The following DLG2 variants were observed in gnomAD, a reference collection of about 807,000 sequenced individuals.
DLG2 encodes disks large homolog 2.
DLG2 carries 45 observed loss-of-function variants against 132.5 expected under a neutral mutation model. That is an observed-to-expected ratio of 0.34 (90% CI 0.27 to 0.44). DLG2 has a LOEUF of 0.44. Ranked by LOEUF, DLG2 falls within the 20% of genes least tolerant of loss-of-function variation. The pLI is 1.00. For missense variants in DLG2, 1,045 were observed against 1,196.9 expected (o/e 0.87, Z 1.87); for synonymous variants, 424 against 419.6 (o/e 1.01, Z -0.13).
intron 8 of DLG2, among the ~76,000 whole-genome samples, chr11:84,167,228 A>G (rs1277855959): frequency 6.6e-6 from 1 of 152,222 alleles, no homozygotes; most frequent in East Asian, 1.9e-4. Context: ...TCTGGTGGCC[A>G]GAAAATCAAA....
chr11:85,304,100 G>A (rs2079784818), intron 3 of DLG2, among the ~76,000 whole-genome samples: 1 of 152,190 alleles, frequency 6.6e-6, no homozygotes, highest in Non-Finnish European at 1.5e-5. Context: ...TTGAAGAAAG[G>A]AAGAGGAAGC....
chr11:85,355,633 T>C (rs868789863), intron 3 of DLG2, among the ~76,000 whole-genome samples: 1 of 152,192 alleles, frequency 6.6e-6, no homozygotes, highest in African/African-American at 2.4e-5. Flanking sequence ...GTTTGAGGCA[T>C]GTGCTTTAAA....
chr11:85,475,157 T>C (rs1450952904), intron 3 of DLG2, among the ~76,000 whole-genome samples: 1 of 151,422 alleles, frequency 6.6e-6, no homozygotes, highest in Non-Finnish European at 1.5e-5. Context: ...GTACAATAAA[T>C]ACAATTTTTT....
chr11:84,760,439 GT>G (rs943790690), intron 6 of DLG2, among the ~76,000 whole-genome samples: 73 of 152,270 alleles, frequency 4.8e-4, no homozygotes, highest in African/African-American at 1.5e-3. Flanking sequence ...TTTACCAATA[GT>G]CTGGGGTTTG....
intron 6 of DLG2, among the ~76,000 whole-genome samples, chr11:84,929,023 T>TATATATA (rs2047785498): frequency 2.3e-5 from 3 of 131,698 alleles, no homozygotes; most frequent in South Asian, 5.0e-4. Flanking sequence ...TATATATATA[T>TATATATA]ATTACTGTGA....
At chr11:83,590,459 C>T (rs1418842549) in intron 19 of DLG2, among the ~76,000 whole-genome samples, 1 of 152,100 alleles carries the variant, frequency 6.6e-6, no homozygotes. Flanking sequence ...AAAGACACAG[C>T]ATACCAGAAT....
chr11:84,298,060 A>G (rs1373230700), intron 7 of DLG2, among the ~76,000 whole-genome samples: 1 of 152,130 alleles, frequency 6.6e-6, no homozygotes, highest in Non-Finnish European at 1.5e-5. Context: ...TTTAATTTGT[A>G]ATAGCACACC....
intron 6 of DLG2, among the ~76,000 whole-genome samples, chr11:85,009,839 C>T (rs1422634940): frequency 1.3e-5 from 2 of 152,076 alleles, no homozygotes; most frequent in Non-Finnish European, 2.9e-5. Context: ...CATATTAATA[C>T]ATATTGCTTA....
At chr11:84,574,132 C>A (rs980804665) in intron 6 of DLG2, among the ~76,000 whole-genome samples, 1 of 152,146 alleles carries the variant, frequency 6.6e-6, no homozygotes, top group Non-Finnish European at 1.5e-5. Flanking sequence ...TCCCACTCCT[C>A]TGGGTGGTTC....
chr11:85,455,844 C>T (rs1035481106), intron 3 of DLG2, among the ~76,000 whole-genome samples: 2 of 152,066 alleles, frequency 1.3e-5, no homozygotes, highest in African/African-American at 2.4e-5. Context: ...TATGTTGAGC[C>T]AAGCTTGCAT....
chr11:84,083,101 A>G (rs2096927240), intron 10 of DLG2, among the ~76,000 whole-genome samples: 2 of 151,944 alleles, frequency 1.3e-5, no homozygotes, highest in South Asian at 4.1e-4. Flanking sequence ...CTAACATGGT[A>G]AAACCCCATC....
intron 3 of DLG2, among the ~76,000 whole-genome samples, chr11:85,544,791 T>C (rs1292094859): frequency 2.0e-5 from 3 of 152,180 alleles, no homozygotes; most frequent in Non-Finnish European, 4.4e-5. Context: ...TGGCTCCCTG[T>C]GTGTTACTGG....
At chr11:84,250,090 T>C (rs73519779) in intron 8 of DLG2, among the ~76,000 whole-genome samples, 4,416 of 152,300 alleles carry the variant, frequency 0.029, 185 homozygotes, top group African/African-American at 0.099. Flanking sequence ...AGGCAGCCTA[T>C]GGACTAGACA....
At chr11:83,899,963 T>C (rs2072956169) in intron 15 of DLG2, among the ~76,000 whole-genome samples, 1 of 152,114 alleles carries the variant, frequency 6.6e-6, no homozygotes, top group African/African-American at 2.4e-5. Context: ...AAAATGCTGA[T>C]AGTGATATGG....
intron 3 of DLG2, among the ~76,000 whole-genome samples, chr11:85,400,869 A>C (rs1438028972): frequency 6.6e-6 from 1 of 151,730 alleles, no homozygotes; most frequent in Non-Finnish European, 1.5e-5. Context: ...CCAGCATGGC[A>C]CATGTATACA....
intron 11 of DLG2, among the ~76,000 whole-genome samples, chr11:84,050,245 A>C (rs1048633303): frequency 1.3e-5 from 2 of 150,286 alleles, no homozygotes; most frequent in Non-Finnish European, 3.0e-5. Flanking sequence ...TATGGAAGGG[A>C]GGGACCAGCA....
intron 6 of DLG2, among the ~76,000 whole-genome samples, chr11:84,848,421 G>C (rs2081770993): frequency 6.6e-6 from 1 of 152,210 alleles, no homozygotes. Context: ...TTGAACCCAA[G>C]AGGCGGAGGT....
At chr11:85,021,120 T>C in intron 6 of DLG2, 1 of 792,676 alleles carries the variant, frequency 1.3e-6, no homozygotes, top group Non-Finnish European at 2.3e-6. Flanking sequence ...AAGAGTCATC[T>C]GCTTTCAACT....
intron 6 of DLG2, among the ~76,000 whole-genome samples, chr11:85,060,709 G>A (rs1418448369): frequency 1.3e-5 from 2 of 151,650 alleles, no homozygotes; most frequent in African/African-American, 4.8e-5. Flanking sequence ...CGTGAGATTG[G>A]TGGGTCATAT....
Sources: gnomAD v4.1 joint callset for allele counts (sites outside exome capture counted in the v4.1 genomes callset) on GRCh38, gnomAD v4.1.1 for gene constraint, MANE v1.5 for transcripts, NCBI Gene and HGNC (gene_info 2026-07-23, HGNC 2026-07-21) for gene names.